ATG4D: variants seen among roughly 807,000 people sequenced by gnomAD.
ATG4D encodes the protein autophagy related 4D cysteine peptidase.
ATG4D carries 51 observed loss-of-function variants against 55.2 expected under a neutral mutation model. The ratio of observed to expected loss-of-function variants is 0.92; its 90% CI spans 0.74 to 1.17. The LOEUF is 1.17. Among genes scored for constraint, ATG4D ranks in the 50% most tolerant of loss-of-function variants. The pLI is 0.00. For missense variants in ATG4D, 635 were observed against 649.6 expected (o/e 0.98, Z 0.25); for synonymous variants, 268 against 266.2 (o/e 1.01, Z -0.07).
In ATG4D at chr19:10,546,834, A is replaced by G; in HGVS notation, c.494-5A>G. 1 of 1,568,704 alleles carries G rather than the reference A, an allele frequency of 6.4e-7. No individual in the cohort carries two copies. The highest frequency in any genetic ancestry group is 8.7e-7 in the Non-Finnish European group (1 of 1,154,214). On this transcript the variant is annotated splice_polypyrimidine_tract_variant and splice_region_variant and intron_variant, in intron 3 of 9. Transcript: ENST00000309469. The stretch of plus-strand genomic sequence containing the variant: ...ACTGTTTGACTATGTGCTCCATTCC[A>G]CCAGACTGGACATGGGCCGAGGGCA...
intron 3 of ATG4D, among the ~76,000 whole-genome samples, chr19:10,546,422 T>C (rs984490468): frequency 2.0e-5 from 3 of 151,738 alleles, no homozygotes; most frequent in African/African-American, 7.3e-5. Flanking sequence ...CTTGGCTCAC[T>C]GCAACCTCTG....
In ATG4D at chr19:10,553,095, C is replaced by A; in HGVS notation, c.*28C>A. ...GGAGGGGATGAGGGGAAAGATACAA[C>A]ACTATTTATTTTTTTATTTATGTCA... On this transcript the variant is annotated 3_prime_UTR_variant, in exon 10 of 10. Transcript: ENST00000309469. 6.4e-7 allele frequency: 1 copy of A among 1,563,918 alleles called. No homozygotes were observed. Among genetic ancestry groups the A allele is most frequent in the Non-Finnish European group, 8.7e-7 (1 of 1,155,936 alleles).
In ATG4D at chr19:10,544,084, C is replaced by T. The variant is rs1384989732; in HGVS notation, c.-7C>T. ...CTGGGCCCTCGGTCCGCCCTCCCGG[C>T]GCGTCCATGAACTCAGTGTCGCCGG... On this transcript the variant is annotated 5_prime_UTR_variant, in exon 1 of 10. Transcript: ENST00000309469. 3.2e-6 allele frequency: 4 copies of T among 1,236,938 alleles called. No individual in the cohort carries two copies. 76.6% of individuals were successfully genotyped at this position (1,236,938 alleles called of 1,614,324 possible).
In ATG4D at chr19:10,552,264, C is replaced by A; in HGVS notation, c.1182C>A (p.Thr394=). The change falls in exon 9 of 10, where the codon ACC becomes ACA. Residue 394 remains threonine (T), a synonymous_variant. Transcript: ENST00000309469. ...MAFAKMDPSC[T]VGFYAGDRKE... ...TTGCCAAGATGGACCCAAGCTGTAC[C>A]GTGGGCTTCTATGCTGGAGACAGGA... 1.2e-6 allele frequency: 2 copies of A among 1,613,722 alleles called. No homozygotes were observed. Among genetic ancestry groups the A allele is most frequent in the Non-Finnish European group, 1.7e-6 (2 of 1,180,000 alleles).
intron 6 of ATG4D, 37 bp downstream of exon 6, chr19:10,549,071 G>A (rs1353418820): frequency 3.7e-6 from 6 of 1,612,094 alleles, no homozygotes; most frequent in Non-Finnish European, 3.4e-6. Context: ...CTCCACCTGG[G>A]AGCCCTCCAG....
At chr19:10,548,616 G>C (rs1324855136) in intron 5 of ATG4D, among the ~76,000 whole-genome samples, 1 of 152,158 alleles carries the variant, frequency 6.6e-6, no homozygotes, top group African/African-American at 2.4e-5. Context: ...TGGGGCTGGG[G>C]AGGAGCTTGA....
In ATG4D at chr19:10,545,150, G is replaced by T; in HGVS notation, c.493+20G>T. On this transcript the variant is annotated intron_variant, in intron 3 of 9. Transcript: ENST00000309469. ...CCAGAGGTGAGCCATAGGGGGGAAG[G>T]GGTGCACTAGGAGTACAGGGTCAAC... 6.2e-7 allele frequency: 1 copy of T among 1,604,122 alleles called. No individual in the cohort carries two copies.
At position 10,553,069 on chromosome 19, in the gene ATG4D, G is replaced by A. The variant is rs377310798; in HGVS notation, c.*2G>A. On this transcript the variant is annotated 3_prime_UTR_variant, in exon 10 of 10. Transcript: ENST00000309469. ...TCTGAGGACTTTGTGTTTTTATAAAGGGAGGGGATGAGGGGAAAGATACAA... is the reference window on the plus strand; with the variant it reads ...TCTGAGGACTTTGTGTTTTTATAAAAGGAGGGGATGAGGGGAAAGATACAA... 1.4e-5 allele frequency: 22 copies of A among 1,593,864 alleles called. No homozygotes were observed. The highest frequency in any genetic ancestry group is 1.6e-5 in the Non-Finnish European group (19 of 1,170,894).
In ATG4D at chr19:10,544,586, A is replaced by G. The variant is rs188184536; in HGVS notation, c.236-197A>G. On this transcript the variant is annotated intron_variant, in intron 1 of 9. Coordinates refer to ENST00000309469, the MANE Select transcript of ATG4D (RefSeq NM_032885.6). ...CTGTAAAATGGGTACAATAATCAGA[A>G]CTACCTTCCTTCATCCTGAATTGAT... 6.8e-6 allele frequency: 8 copies of G among 1,182,720 alleles called. No homozygotes were observed. In the Admixed American group the frequency reaches 2.5e-4, roughly 37 times the overall value. The allele number at this position is 1,182,720 out of a possible 1,614,324, so 73.3% of individuals were successfully genotyped here.
Position 10,552,132 on chromosome 19 carries a change from G to T in ATG4D, c.1122+11G>T, listed in dbSNP as rs765893329. On this transcript the variant is annotated intron_variant, in intron 8 of 9. Transcript: ENST00000309469. ...GACTTCCCCCTGGAGGTGAGTGGGA[G>T]CCCCAGTGTGTGGTTGGGGCCATGG... 6.2e-7 allele frequency: 1 copy of T among 1,611,792 alleles called. No individual in the cohort carries two copies. Among genetic ancestry groups the T allele is most frequent in the South Asian group, 1.1e-5 (1 of 91,078 alleles).
At chr19:10,552,775 C>A in intron 9 of ATG4D, 110 bp from the exon 10 acceptor site, 3 of 1,182,548 alleles carry the variant, frequency 2.5e-6, no homozygotes, top group Non-Finnish European at 2.4e-6. Flanking sequence ...TGCTGATTGG[C>A]TGCTCTCTCC....
chr19:10,547,157 G>A (rs767932224), intron 4 of ATG4D, 32 bp from the exon 5 acceptor site: 16 of 1,612,204 alleles, frequency 9.9e-6, no homozygotes, highest in African/African-American at 6.7e-5. Context: ...CTGGGTACCC[G>A]CAGGCACTCA....
At position 10,550,337 on chromosome 19, in the gene ATG4D, A is replaced by G. The variant is rs146683678; in HGVS notation, c.966+1303A>G. Among the ~76,000 whole-genome samples the G allele has an allele frequency of 1.3e-3, 204 of 152,104 alleles. 4 individuals are homozygous for G. The East Asian group carries it at 0.034, about 26-fold the overall frequency. ...CACAACTTTAAAAAAACAGTAACCC[A>G]ATGAAGGGCAGATGAGGGTAGCAGC... is the stretch of plus-strand genomic sequence containing the variant. On this transcript the variant is annotated intron_variant, in intron 6 of 9. Coordinates refer to ENST00000309469, the MANE Select transcript of ATG4D (RefSeq NM_032885.6).
rs201728867 is a variant in ATG4D at position 10,552,237 on chromosome 19, C to T, written c.1155C>T (p.Ala385=). ...ACTGCACCTCGCCCCGCAAGATGGC[C>T]TTTGCCAAGATGGACCCAAGCTGTA... ...SFHCTSPRKM[A]FAKMDPSCTV... Residue 385 remains alanine (A), a synonymous_variant, in exon 9 of 10, where the codon GCC becomes GCT. Transcript: ENST00000309469. The T allele has an allele frequency of 3.7e-6, 6 of 1,613,496 alleles. No individual in the cohort carries two copies. The Admixed American group carries it at 5.0e-5, about 13-fold the overall frequency.
At chr19:10,550,646 C>T (rs1476532957) in intron 6 of ATG4D, among the ~76,000 whole-genome samples, 1 of 151,796 alleles carries the variant, frequency 6.6e-6, no homozygotes, top group East Asian at 1.9e-4. Context: ...ACTCCCACCT[C>T]AGGGCCTTTG....
At chr19:10,552,838 T>C (rs774651398) in intron 9 of ATG4D, 47 bp from the exon 10 acceptor site, 82 of 1,555,892 alleles carry the variant, frequency 5.3e-5, no homozygotes, top group East Asian at 9.1e-5. Flanking sequence ...CTAAGGAATA[T>C]GGCTTGGCAC....
At chr19:10,546,401 A>C (rs1318642085) in intron 3 of ATG4D, among the ~76,000 whole-genome samples, 1 of 150,300 alleles carries the variant, frequency 6.7e-6, no homozygotes, top group African/African-American at 2.4e-5. Context: ...GCTGAAGTGC[A>C]GTGGAGAGAT....
At position 10,544,043 on chromosome 19, in the gene ATG4D, G is replaced by T. The variant is rs1262769062; in HGVS notation, c.-48G>T. 4 of 1,203,800 alleles carry T rather than the reference G, an allele frequency of 3.3e-6. No individual in the cohort carries two copies. In the African/African-American group the frequency reaches 4.7e-5, roughly 14 times the overall value. The allele number at this position is 1,203,800 out of a possible 1,614,324, so 74.6% of individuals were successfully genotyped here. ...CTGCGGGTCGCCCTTGGGGGGCAGC[G>T]GCCGCAGCCCCCCACCTGGGCCCTC... On this transcript the variant is annotated 5_prime_UTR_variant, in exon 1 of 10. Coordinates refer to ENST00000309469, the MANE Select transcript of ATG4D (RefSeq NM_032885.6).
rs1484847624 is a variant in ATG4D at position 10,547,226 on chromosome 19, G to A, written c.808G>A (p.Val270Met). The A allele has an allele frequency of 1.2e-6, 2 of 1,613,982 alleles. No individual in the cohort carries two copies. The highest frequency in any genetic ancestry group is 1.3e-5 in the African/African-American group (1 of 75,046). Reference sequence around the variant, plus strand: ...GAGCTGCTCCGACGTCACCCGCCTGGTGGTGTACGTTTCTCAGGACTGCAC... The same window carrying A: ...GAGCTGCTCCGACGTCACCCGCCTGATGGTGTACGTTTCTCAGGACTGCAC... ...VESCSDVTRL[V>M]VYVSQDCTVY... The change falls in exon 5 of 10, where the codon GTG becomes ATG. Residue 270 changes from valine to methionine, a missense_variant. Physicochemically the swap from Val to Met is conservative, Grantham distance 21. Transcript: ENST00000309469.
Sources: allele counts gnomAD v4.1 joint callset (sites outside exome capture counted in the v4.1 genomes callset), GRCh38; gene constraint gnomAD v4.1.1; transcripts MANE v1.5; gene names NCBI Gene and HGNC (gene_info 2026-07-23, HGNC 2026-07-21).